Variants in USP24 observed in about 807,000 individuals in gnomAD.
The protein encoded by USP24 is ubiquitin carboxyl-terminal hydrolase 24.
USP24 carries 97 observed loss-of-function variants against 361.6 expected under a neutral mutation model. The ratio of observed to expected loss-of-function variants is 0.27; its 90% CI spans 0.23 to 0.32. USP24 has a LOEUF of 0.32. Among genes scored for constraint, USP24 ranks in the 10% least tolerant of loss-of-function variants. The probability of loss-of-function intolerance (pLI) is 1.00; values close to 1 mark genes in which losing one functional copy is unlikely to be tolerated. For synonymous variants in USP24, 1,098 were observed against 1,124.6 expected, an observed-to-expected ratio of 0.98 and a Z score of 0.47; for missense variants, 2,353 against 3,165.6, an observed-to-expected ratio of 0.74 and a Z score of 6.16.
intron 67 of USP24, among the ~76,000 whole-genome samples, chr1:55,070,644 C>T (rs887596116): frequency 2.0e-5 from 3 of 152,144 alleles, no homozygotes; most frequent in Non-Finnish European, 1.5e-5. Flanking sequence ...GAGAATTAGT[C>T]GAAGTTTGGC....
intron 42 of USP24, among the ~76,000 whole-genome samples, chr1:55,102,895 T>C (rs967127691): frequency 6.6e-6 from 1 of 152,176 alleles, no homozygotes; most frequent in African/African-American, 2.4e-5. Context: ...ATCAAAACCA[T>C]TTCCAACTTA....
At chr1:55,091,558 A>T (rs1255018714) in intron 54 of USP24, among the ~76,000 whole-genome samples, 2 of 152,196 alleles carry the variant, frequency 1.3e-5, no homozygotes, top group African/African-American at 4.8e-5. Flanking sequence ...GCACTCAGTG[A>T]GTTCTAAACC....
Position 55,095,235 on chromosome 1 carries a change from T to A in USP24, c.6203+20A>T. 6.2e-7 allele frequency: 1 copy of A among 1,610,948 alleles called. No individual in the cohort carries two copies. On this transcript the variant is annotated intron_variant, in intron 51 of 67. Transcript: ENST00000294383. ...TCACCATAGAAATCACACAGCAAAT[T>A]ACATGGAAGAGACACTTACAGAGAG...
intron 38 of USP24, among the ~76,000 whole-genome samples, chr1:55,119,690 T>C (rs1646223813): frequency 6.6e-6 from 1 of 151,942 alleles, no homozygotes; most frequent in Non-Finnish European, 1.5e-5. Flanking sequence ...TAATTTATAA[T>C]AGTTATATAT....
intron 1 of USP24, among the ~76,000 whole-genome samples, chr1:55,194,711 C>T (rs986741251): frequency 6.6e-6 from 1 of 152,094 alleles, no homozygotes; most frequent in African/African-American, 2.4e-5. Flanking sequence ...AACCTTGGTG[C>T]CCTCAATGTA....
At chr1:55,181,592 A>G (rs1189175905) in intron 1 of USP24, among the ~76,000 whole-genome samples, 1 of 152,190 alleles carries the variant, frequency 6.6e-6, no homozygotes, top group Non-Finnish European at 1.5e-5. Flanking sequence ...AAAACAAAAA[A>G]TTTCACTTGG....
Position 55,167,101 on chromosome 1 carries a change from T to C in USP24, c.826-498A>G, listed in dbSNP as rs182230838. Reference sequence around the variant, plus strand: ...ATACAGAACAGTGACTACGAAGAGATGTTGTACCTGCTTTTATGAAGCTCA... The same window carrying C: ...ATACAGAACAGTGACTACGAAGAGACGTTGTACCTGCTTTTATGAAGCTCA... On this transcript the variant is annotated intron_variant, in intron 5 of 67. Coordinates refer to ENST00000294383, the MANE Select transcript of USP24 (RefSeq NM_015306.3). 2.4e-3 allele frequency among the ~76,000 whole-genome samples: 362 copies of C among 152,268 alleles called. 1 individual carries two copies. The highest frequency in any genetic ancestry group is 8.4e-3 in the African/African-American group (348 of 41,554).
intron 1 of USP24, among the ~76,000 whole-genome samples, chr1:55,211,081 C>A (rs1644835860): frequency 6.6e-6 from 1 of 152,068 alleles, no homozygotes. Context: ...TCTACTGATC[C>A]CCTGGAGAGA....
At chr1:55,149,786 T>C (rs958576138) in intron 16 of USP24, among the ~76,000 whole-genome samples, 9 of 152,224 alleles carry the variant, frequency 5.9e-5, no homozygotes, top group Non-Finnish European at 1.3e-4. Flanking sequence ...TCATTTTAGT[T>C]GTTACCTGGT....
chr1:55,140,475 T>C (rs1180972506), intron 24 of USP24, among the ~76,000 whole-genome samples: 1 of 152,176 alleles, frequency 6.6e-6, no homozygotes, highest in Admixed American at 6.5e-5. Flanking sequence ...ATGAGTTGAA[T>C]CTATCATTAC....
chr1:55,162,131 TAAA>T, intron 8 of USP24, 65 bp downstream of exon 8: 1 of 1,438,414 alleles, frequency 7.0e-7, no homozygotes, highest in Non-Finnish European at 9.4e-7. Context: ...AATAACCTGA[TAAA>T]AAGAAGTTAT....
At chr1:55,071,589 A>G in intron 67 of USP24, 3 of 1,265,940 alleles carry the variant, frequency 2.4e-6, no homozygotes, top group Non-Finnish European at 2.1e-6. Context: ...CCAGCCACAA[A>G]CACCTCGAGG....
intron 41 of USP24, among the ~76,000 whole-genome samples, chr1:55,105,378 A>G (rs1041860607): frequency 1.3e-5 from 2 of 152,212 alleles, no homozygotes; most frequent in Admixed American, 1.3e-4. Context: ...AAGTAGAGAA[A>G]TATTTATATG....
intron 61 of USP24, among the ~76,000 whole-genome samples, chr1:55,078,221 G>A (rs557242148): frequency 1.6e-4 from 24 of 150,858 alleles, no homozygotes; most frequent in South Asian, 8.3e-4. Context: ...CTGGGGTAGC[G>A]TGAGCAAGGA....
chr1:55,164,266 T>C (rs1435132972), intron 7 of USP24, among the ~76,000 whole-genome samples: 1 of 151,942 alleles, frequency 6.6e-6, no homozygotes, highest in Non-Finnish European at 1.5e-5. Context: ...TAGATTTATA[T>C]AAATTCAGGG....
chr1:55,125,823 C>G (rs974318669), intron 32 of USP24, 65 bp from the exon 33 acceptor site: 1 of 1,359,450 alleles, frequency 7.4e-7, no homozygotes, highest in Non-Finnish European at 1.0e-6. Flanking sequence ...TTAAATTTTC[C>G]ATAAGTAATG....
intron 53 of USP24, 66 bp downstream of exon 53, chr1:55,092,755 T>C (rs917548949): frequency 1.7e-6 from 2 of 1,194,688 alleles, no homozygotes; most frequent in African/African-American, 1.6e-5. Flanking sequence ...AATCACTGAA[T>C]GCTTTAGCTA....
intron 16 of USP24, among the ~76,000 whole-genome samples, chr1:55,152,334 C>T (rs192589504): frequency 1.3e-5 from 2 of 152,152 alleles, no homozygotes; most frequent in Non-Finnish European, 1.5e-5. Context: ...CAAAGAGAAG[C>T]AATAAAGATG....
chr1:55,194,221 A>T (rs551653630), intron 1 of USP24, among the ~76,000 whole-genome samples: 1 of 152,290 alleles, frequency 6.6e-6, no homozygotes, highest in African/African-American at 2.4e-5. Flanking sequence ...TTCATCCTTA[A>T]TTTTGTTGAA....
Sources: gnomAD v4.1 joint callset for allele counts (sites outside exome capture counted in the v4.1 genomes callset) on GRCh38, gnomAD v4.1.1 for gene constraint, MANE v1.5 for transcripts, NCBI Gene and HGNC (gene_info 2026-07-23, HGNC 2026-07-21) for gene names.